The following ANKRD13C variants were observed in gnomAD, a reference collection of about 807,000 sequenced individuals.
ANKRD13C encodes ankyrin repeat domain 13C, also known as ankyrin repeat domain-containing protein 13C.
In ANKRD13C, 16 loss-of-function variants were observed where a neutral mutation model predicts 65.5. The observed-to-expected ratio is 0.24, with a 90% CI of 0.17 to 0.37. The LOEUF (loss-of-function observed/expected upper bound fraction) is 0.37. ANKRD13C is among the 10% of genes least tolerant of loss of function. The pLI is 1.00. For synonymous variants in ANKRD13C, 235 were observed against 238.7 expected (o/e 0.98, Z 0.14); for missense variants, 503 against 655.9 (o/e 0.77, Z 2.55).
intron 3 of ANKRD13C, among the ~76,000 whole-genome samples, chr1:70,316,935 T>C (rs990401513): frequency 3.3e-5 from 5 of 152,170 alleles, no homozygotes; most frequent in African/African-American, 1.2e-4. Flanking sequence ...CTGAGGGCTT[T>C]TTAAAAATCA....
chr1:70,307,392 C>T (rs969248145), intron 5 of ANKRD13C, among the ~76,000 whole-genome samples: 2 of 151,612 alleles, frequency 1.3e-5, no homozygotes. Flanking sequence ...CAAAAATTAG[C>T]CAGTCTCATA....
At chr1:70,331,820 CAAAA>C (rs10526340) in intron 2 of ANKRD13C, among the ~76,000 whole-genome samples, 4 of 70,038 alleles carry the variant, frequency 5.7e-5, no homozygotes, top group African/African-American at 2.5e-4. Context: ...AGACTCGACT[CAAAA>C]AAAAAAAAAA....
rs1335058231 is a variant in ANKRD13C at position 70,316,461 on chromosome 1, T to A, written c.578-895A>T. ...TACTCAGGAGGTTAAGGTGAGAGGA[T>A]CACTTGAGCTCAGGAGTTCGAGACC... On this transcript the variant is annotated intron_variant, in intron 3 of 12. Transcript: ENST00000370944. Among the ~76,000 whole-genome samples the A allele has an allele frequency of 3.3e-5, 5 of 151,032 alleles. No homozygotes were observed. In the Admixed American group the frequency reaches 3.3e-4, roughly 10 times the overall value.
chr1:70,325,106 A>G (rs1003388213), intron 2 of ANKRD13C, 149 bp from the exon 3 acceptor site: 7 of 497,284 alleles, frequency 1.4e-5, no homozygotes, highest in South Asian at 5.1e-5. Context: ...AAAAATTTCT[A>G]TGTATCTAAC....
intron 1 of ANKRD13C, among the ~76,000 whole-genome samples, chr1:70,346,511 C>T (rs974593535): frequency 6.6e-6 from 1 of 152,080 alleles, no homozygotes; most frequent in African/African-American, 2.4e-5. Flanking sequence ...TGTGCACCCC[C>T]TAACTATAGA....
intron 3 of ANKRD13C, among the ~76,000 whole-genome samples, chr1:70,321,645 G>A (rs911368103): frequency 6.6e-6 from 1 of 152,282 alleles, no homozygotes; most frequent in South Asian, 2.1e-4. Context: ...GGAACCATGG[G>A]TGAGGGATAA....
rs192872425 is a variant in ANKRD13C, at chr1:70,279,574, C to T, written c.1216-2730G>A. On this transcript the variant is annotated intron_variant, in intron 9 of 12. Transcript: ENST00000370944. ...AGGCTGGAGTGCAGTGGCACAATCT[C>T]GGTTCACTGCAACCTCCGCCTCCCA... 1.7e-4 allele frequency among the ~76,000 whole-genome samples: 25 copies of T among 143,710 alleles called. No homozygotes were observed. In the East Asian group the frequency reaches 2.9e-3, roughly 17 times the overall value. 94.3% of individuals were successfully genotyped at this position (143,710 alleles called of 152,430 possible).
chr1:70,297,753 A>T (rs1369651698), intron 7 of ANKRD13C, among the ~76,000 whole-genome samples: 3 of 146,536 alleles, frequency 2.0e-5, no homozygotes, highest in South Asian at 4.3e-4. Context: ...GTCTCTACTA[A>T]AAAAAAAAAA....
Position 70,300,864 on chromosome 1 carries a change from C to T in ANKRD13C, c.821G>A (p.Arg274Gln), listed in dbSNP as rs1302218439. 3.1e-6 allele frequency: 5 copies of T among 1,613,494 alleles called. No homozygotes were observed. The highest frequency in any genetic ancestry group is 4.2e-6 in the Non-Finnish European group (5 of 1,179,822). The change falls in exon 7 of 13, where the codon CGA becomes CAA. Residue 274 changes from arginine (R) to glutamine (Q), a missense_variant. Physicochemically the swap from Arg to Gln is conservative, Grantham distance 43. Transcript: ENST00000370944. The stretch of plus-strand genomic sequence containing the variant: ...ATTGAAAATGAAGCTTAGATCCCCT[C>T]GTTGGCACTTCATGTCAGTAAAGTC... ...LIDFTDMKCQ[R>Q]GDLSFIFNGD...
At position 70,300,771 on chromosome 1, in the gene ANKRD13C, T is replaced by G. The variant is rs1190330390; in HGVS notation, c.914A>C (p.His305Pro). The change falls in exon 7 of 13, where the codon CAT becomes CCT. Residue 305 changes from histidine to proline, a missense_variant. Physicochemically the swap from His to Pro is moderately conservative, Grantham distance 77. Around this residue, in one of 2 missense-constraint regions of ANKRD13C, gnomAD observed 300 missense variants for 478.3 expected, o/e 0.63. Transcript: ENST00000370944. The part of the protein sequence containing the change: ...DNEQKVYQRI[H>P]HEESEMETEE... ...ATAAGACAACATGCTCACCTCATGATGTATTCGCTGATAAACTTTTTGTTC... is the reference window on the plus strand; with the variant it reads ...ATAAGACAACATGCTCACCTCATGAGGTATTCGCTGATAAACTTTTTGTTC... The G allele has an allele frequency of 6.2e-7, 1 of 1,607,762 alleles. No homozygotes were observed. The highest frequency in any genetic ancestry group is 8.5e-7 in the Non-Finnish European group (1 of 1,177,864).
chr1:70,269,158 A>C (rs1190666144), intron 12 of ANKRD13C, among the ~76,000 whole-genome samples: 2 of 152,048 alleles, frequency 1.3e-5, no homozygotes. Context: ...GGGTTGGTTC[A>C]AAAGAAGGAC....
At chr1:70,335,543 C>A (rs1681985568) in intron 2 of ANKRD13C, among the ~76,000 whole-genome samples, 1 of 151,766 alleles carries the variant, frequency 6.6e-6, no homozygotes, top group Non-Finnish European at 1.5e-5. Context: ...AGTTTTACTG[C>A]ACTTAGGAAT....
At chr1:70,351,147 G>A (rs915490628) in intron 1 of ANKRD13C, among the ~76,000 whole-genome samples, 3 of 152,212 alleles carry the variant, frequency 2.0e-5, no homozygotes, top group Non-Finnish European at 4.4e-5. Context: ...GGGCTGCTGT[G>A]AGGATTAAAT....
rs11359618 is a variant in ANKRD13C, at chr1:70,302,725, CAAAAAAAAAAA to C, written c.777-1828_777-1818del. ...TGGGCGACAGAGCGAGACTCCGTCT[CAAAAAAAAAAA>C]AAAAAAAAAAAAAAAAAAAGAAAAT... On this transcript the variant is annotated intron_variant, in intron 6 of 12. Transcript: ENST00000370944. 1.9e-4 allele frequency among the ~76,000 whole-genome samples: 6 copies of C among 32,166 alleles called. No homozygotes were observed. In the East Asian group the frequency reaches 7.4e-3, roughly 40 times the overall value. 21.1% of individuals were successfully genotyped at this position (32,166 alleles called of 152,430 possible).
intron 2 of ANKRD13C, among the ~76,000 whole-genome samples, chr1:70,327,545 T>TC: frequency 6.6e-6 from 1 of 152,318 alleles, no homozygotes; most frequent in Admixed American, 6.5e-5. Flanking sequence ...GGGTCATGTT[T>TC]CAGTATAAAA....
rs1326658553 is a variant in ANKRD13C, at chr1:70,296,239, TC to T, written c.943del (p.Glu315LysfsTer6). ...ACTGCTCATTAAAATATCCACCTCT[TC>T]TTCTGTTTCCATCTCTGATTCCTGG... ...HHEESEMETE[E>X]EVDILMSSDI... On this transcript the variant is annotated frameshift_variant, in exon 8 of 13. Transcript: ENST00000370944. LOFTEE classifies it high-confidence loss of function. 6.2e-7 allele frequency: 1 copy of T among 1,613,268 alleles called. No individual in the cohort carries two copies. The highest frequency in any genetic ancestry group is 8.5e-7 in the Non-Finnish European group (1 of 1,179,794).
rs1281732449 is a variant in ANKRD13C, at chr1:70,301,170, TAC to T, written c.777-264_777-263del. On this transcript the variant is annotated intron_variant, in intron 6 of 12. Transcript: ENST00000370944. ...TACATATATATTTTCTGAATATATA[TAC>T]ACACACATATATATATATATATACA... is the stretch of plus-strand genomic sequence containing the variant. 4.3e-5 allele frequency among the ~76,000 whole-genome samples: 6 copies of T among 140,936 alleles called. No homozygotes were observed. The South Asian group carries it at 6.8e-4, about 16-fold the overall frequency. The allele number at this position is 140,936 out of a possible 152,430, so 92.5% of individuals were successfully genotyped here. A position where few individuals can be genotyped will look rare whatever the true frequency, so the allele number is the denominator to read the frequency against.
At chr1:70,320,578 A>C (rs993901106) in intron 3 of ANKRD13C, among the ~76,000 whole-genome samples, 1 of 151,776 alleles carries the variant, frequency 6.6e-6, no homozygotes, top group African/African-American at 2.4e-5. Flanking sequence ...CAAGCGACCC[A>C]CCTGTCTCGG....
chr1:70,316,254 A>G (rs1681068769), intron 3 of ANKRD13C, among the ~76,000 whole-genome samples: 2 of 152,198 alleles, frequency 1.3e-5, no homozygotes, highest in South Asian at 4.1e-4. Context: ...TCCATAGTGT[A>G]TTTTCAGTTA....
Sources: allele counts gnomAD v4.1 joint callset (sites outside exome capture counted in the v4.1 genomes callset), GRCh38; gene constraint gnomAD v4.1.1; regional missense constraint gnomAD v4.1.1; transcripts MANE v1.5; gene names NCBI Gene and HGNC (gene_info 2026-07-23, HGNC 2026-07-21).